The following ZNF208 variants were observed in gnomAD, a reference collection of about 807,000 sequenced individuals.
The protein encoded by ZNF208 is zinc finger protein 208.
Under a neutral mutation model 12.1 loss-of-function variants are expected in ZNF208, and 10 were observed. The ratio of observed to expected loss-of-function variants is 0.83; its 90% CI spans 0.51 to 1.40. ZNF208 has a LOEUF of 1.40. Among genes scored for constraint, ZNF208 ranks in the 40% most tolerant of loss-of-function variants. The pLI, the probability that ZNF208 is intolerant of heterozygous loss-of-function variation, is 0.00. For synonymous variants in ZNF208, 497 were observed against 488.4 expected (o/e 1.02, Z -0.23); for missense variants, 1,652 against 1,485.0 (o/e 1.11, Z -1.85).
chr19:21,993,711 A>G lies in ZNF208; in HGVS notation c.4-4802T>C, dbSNP rs931566258. ...TTAGCATTAGTCAGAGAAATGAGGC[A>G]CAATGCAGAGTCCCTTACACGCAGC... On this transcript the variant is annotated intron_variant, in intron 1 of 3. Transcript: ENST00000397126. Among the ~76,000 whole-genome samples, 4 of 152,250 alleles carry G rather than the reference A, an allele frequency of 2.6e-5. No individual in the cohort carries two copies. In the East Asian group the frequency reaches 7.8e-4, roughly 30 times the overall value.
At chr19:21,940,086 C>A (rs1200002482) in intron 4 of ZNF208, 1 of 152,068 alleles carries the variant, frequency 6.6e-6, no homozygotes, top group Non-Finnish European at 1.5e-5. Flanking sequence ...GGTGGCAGAT[C>A]ACGAGGTGGG....
At chr19:21,951,239 G>T (rs1305824024) in intron 4 of ZNF208, among the ~76,000 whole-genome samples, 8 of 152,182 alleles carry the variant, frequency 5.3e-5, no homozygotes, top group African/African-American at 1.9e-4. Flanking sequence ...ACTGGAAGAA[G>T]TCAGACTTTA....
At chr19:21,944,345 A>G (rs1969785762) in intron 4 of ZNF208, among the ~76,000 whole-genome samples, 1 of 152,218 alleles carries the variant, frequency 6.6e-6, no homozygotes, top group Non-Finnish European at 1.5e-5. Flanking sequence ...TAAATTCAAC[A>G]GTAGTTGTCA....
At chr19:21,949,424 C>G (rs1433042372) in intron 4 of ZNF208, among the ~76,000 whole-genome samples, 1 of 152,158 alleles carries the variant, frequency 6.6e-6, no homozygotes, top group African/African-American at 2.4e-5. Flanking sequence ...AAGAATTAAA[C>G]TCATTTTCTT....
intron 1 of ZNF208, among the ~76,000 whole-genome samples, chr19:21,990,478 A>G (rs866325591): frequency 6.6e-6 from 1 of 151,548 alleles, no homozygotes; most frequent in Non-Finnish European, 1.5e-5. Flanking sequence ...CAGTACCATG[A>G]TGTTTTGGTT....
chr19:21,982,357 C>CAAAA (rs34234040), intron 3 of ZNF208, among the ~76,000 whole-genome samples: 1 of 107,418 alleles, frequency 9.3e-6, no homozygotes, highest in Non-Finnish European at 1.8e-5. Context: ...GACTCCATCT[C>CAAAA]AAAAAAAAAA....
At chr19:22,004,707 C>A (rs749227573) in intron 1 of ZNF208, among the ~76,000 whole-genome samples, 3 of 151,974 alleles carry the variant, frequency 2.0e-5, no homozygotes, top group African/African-American at 7.3e-5. Context: ...TAAGTAAGAG[C>A]TAAATAAGAA....
At chr19:21,949,416 GAATT>G (rs1201763963) in intron 4 of ZNF208, among the ~76,000 whole-genome samples, 1 of 152,140 alleles carries the variant, frequency 6.6e-6, no homozygotes, top group Non-Finnish European at 1.5e-5. Flanking sequence ...GATAAAGAAA[GAATT>G]AAACTCATTT....
intron 1 of ZNF208, among the ~76,000 whole-genome samples, chr19:22,005,628 T>C (rs942559511): frequency 6.6e-6 from 1 of 152,166 alleles, no homozygotes; most frequent in African/African-American, 2.4e-5. Flanking sequence ...ACAAACCCCA[T>C]GGGCTCATCT....
intron 4 of ZNF208, among the ~76,000 whole-genome samples, chr19:21,958,068 G>C (rs1435637912): frequency 6.6e-6 from 1 of 151,478 alleles, no homozygotes; most frequent in Admixed American, 6.6e-5. Flanking sequence ...TCCCACCTAT[G>C]AGTGAGAATA....
chr19:21,953,735 G>C (rs1247877185), intron 4 of ZNF208, among the ~76,000 whole-genome samples: 1 of 152,192 alleles, frequency 6.6e-6, no homozygotes, highest in Non-Finnish European at 1.5e-5. Context: ...TTGATGCTAG[G>C]AAGAAACCAT....
Position 21,973,342 on chromosome 19 carries a change from C to G in ZNF208, c.1692G>C (p.Trp564Cys). 6.2e-7 allele frequency: 1 copy of G among 1,609,140 alleles called. No individual in the cohort carries two copies. The highest frequency in any genetic ancestry group is 8.5e-7 in the Non-Finnish European group (1 of 1,178,394). ...KCEECGKAYK[W>C]SSTLSYHKKI... is the part of the protein sequence containing the mutation. ...TCTTATGATAACTAAGGGTTGAGGA[C>G]CACTTATAGGCTTTGCCACATTCTT... is the stretch of plus-strand genomic sequence containing the variant. The change falls in exon 4 of 4, where the codon TGG (tryptophan) becomes TGC (cysteine). Residue 564 changes from tryptophan to cysteine, a missense_variant. This residue lies in a region of ZNF208 where 1,239 missense variants were observed against 1,086.2 expected (regional missense o/e 1.14). Transcript: ENST00000397126.
At chr19:22,010,752 C>G (rs745559492) in intron 1 of ZNF208, 40 bp downstream of exon 1, 31 of 1,614,038 alleles carry the variant, frequency 1.9e-5, no homozygotes, top group Non-Finnish European at 2.5e-5. Context: ...TCCAAGCAGC[C>G]CGGGCCACTC....
intron 1 of ZNF208, among the ~76,000 whole-genome samples, chr19:22,000,255 T>A (rs1182017099): frequency 6.6e-6 from 1 of 152,204 alleles, no homozygotes; most frequent in Non-Finnish European, 1.5e-5. Context: ...CCGTAATATA[T>A]GTTCTTCTCA....
At chr19:21,941,741 T>C (rs1400512226) in intron 4 of ZNF208, among the ~76,000 whole-genome samples, 1 of 152,164 alleles carries the variant, frequency 6.6e-6, no homozygotes, top group Non-Finnish European at 1.5e-5. Flanking sequence ...AAGTAACAAA[T>C]AATGTATCTG....
intron 2 of ZNF208, among the ~76,000 whole-genome samples, chr19:21,987,623 C>A (rs540405260): frequency 6.6e-6 from 1 of 152,120 alleles, no homozygotes; most frequent in Non-Finnish European, 1.5e-5. Context: ...GAAAGATACT[C>A]CTTTGAAGCA....
Position 21,974,694 on chromosome 19 carries a change from T to G in ZNF208, c.340A>C (p.Lys114Gln), listed in dbSNP as rs1970394388. 3 of 1,613,530 alleles carry G rather than the reference T, an allele frequency of 1.9e-6. No individual in the cohort carries two copies. In the African/African-American group the frequency reaches 4.0e-5, roughly 22 times the overall value. Residue 114 changes from lysine to glutamine, a missense_variant, in exon 4 of 4, where the codon AAA becomes CAA. Physicochemically the swap from Lys to Gln is moderately conservative, Grantham distance 53. Transcript: ENST00000397126. ...EKCGHENLHLKIGYTNVDECK... is the reference protein window; with the variant it reads ...EKCGHENLHLQIGYTNVDECK... The stretch of plus-strand genomic sequence containing the variant: ...TCATCCACATTGGTATAACCAATTT[T>G]TAAGTGTAAATTCTCATGTCCACAT...
chr19:21,981,988 A>G (rs1479521124), intron 3 of ZNF208, among the ~76,000 whole-genome samples: 1 of 152,162 alleles, frequency 6.6e-6, no homozygotes, highest in Admixed American at 6.5e-5. Flanking sequence ...TACAACTTAC[A>G]AGGGATGGGA....
intron 1 of ZNF208, among the ~76,000 whole-genome samples, chr19:21,997,165 T>C (rs1599630326): frequency 6.6e-6 from 1 of 152,226 alleles, no homozygotes; most frequent in Non-Finnish European, 1.5e-5. Context: ...GAATATGACA[T>C]GCATTATAGT....
Sources: allele counts gnomAD v4.1 joint callset (sites outside exome capture counted in the v4.1 genomes callset), GRCh38; gene constraint gnomAD v4.1.1; regional missense constraint gnomAD v4.1.1; transcripts MANE v1.5; gene names NCBI Gene and HGNC (gene_info 2026-07-23, HGNC 2026-07-21).